ENTREP2: variants seen among roughly 807,000 people sequenced by gnomAD.
The protein encoded by ENTREP2 is endosomal transmembrane epsin interactor 2.
chr15:29,125,808 C>T, the ENTREP2 span, among the ~76,000 whole-genome samples: 3 of 152,198 alleles, frequency 2.0e-5, no homozygotes, highest in Admixed American at 1.3e-4. Flanking sequence ...CAGACACAGT[C>T]GCATGGGGCG....
the ENTREP2 span, among the ~76,000 whole-genome samples, chr15:29,166,391 G>T: frequency 9.2e-3 from 1,395 of 152,258 alleles, 20 homozygotes; most frequent in African/African-American, 0.031. Flanking sequence ...GTCACTGTTT[G>T]CTGACGATAT....
the ENTREP2 span, among the ~76,000 whole-genome samples, chr15:29,217,914 C>T: frequency 6.6e-6 from 1 of 152,098 alleles, no homozygotes; most frequent in South Asian, 2.1e-4. Context: ...GGCTGTTGTT[C>T]AGATTCTTTT....
the ENTREP2 span, chr15:29,151,918 C>A: frequency 4.1e-6 from 4 of 974,966 alleles, no homozygotes; most frequent in South Asian, 2.8e-5. Flanking sequence ...CTGCCAGGGC[C>A]CAGAATGAGC....
the ENTREP2 span, among the ~76,000 whole-genome samples, chr15:29,587,138 CGTGTGTGTGTGTGT>C: frequency 0.014 from 1,676 of 124,032 alleles, 31 homozygotes; most frequent in African/African-American, 0.045. Flanking sequence ...TGTAGCTAAC[CGTGTGTGTGTGTGT>C]GTGTGTGTGT....
At chr15:29,295,197 C>T in the ENTREP2 span, among the ~76,000 whole-genome samples, 1 of 152,242 alleles carries the variant, frequency 6.6e-6, no homozygotes, top group African/African-American at 2.4e-5. Flanking sequence ...CTGAAAACCC[C>T]TGCCTGTGCT....
the ENTREP2 span, among the ~76,000 whole-genome samples, chr15:29,472,525 C>T: frequency 3.3e-5 from 5 of 151,884 alleles, no homozygotes; most frequent in African/African-American, 7.2e-5. Flanking sequence ...AGTGCAATGG[C>T]GCAATCTCGG....
the ENTREP2 span, among the ~76,000 whole-genome samples, chr15:29,505,248 G>C: frequency 2.0e-5 from 3 of 152,246 alleles, no homozygotes; most frequent in African/African-American, 4.8e-5. This position sits in a 1 kb window ranked among gnomAD's most constrained non-coding sequence, Gnocchi z 4.3. Context: ...AAAAACAGCA[G>C]CACCCGTCAG....
the ENTREP2 span, among the ~76,000 whole-genome samples, chr15:29,632,036 C>T: frequency 6.6e-6 from 1 of 152,344 alleles, no homozygotes; most frequent in Non-Finnish European, 1.5e-5. Flanking sequence ...GTCCTGTGGG[C>T]TGCCCATTTC....
the ENTREP2 span, among the ~76,000 whole-genome samples, chr15:29,467,845 G>C: frequency 2.0e-4 from 31 of 152,234 alleles, no homozygotes; most frequent in Admixed American, 3.3e-4. Flanking sequence ...CTGCTCCCCT[G>C]TGCCTAACTT....
chr15:29,184,824 C>G, the ENTREP2 span, among the ~76,000 whole-genome samples: 1 of 152,124 alleles, frequency 6.6e-6, no homozygotes, highest in African/African-American at 2.4e-5. Flanking sequence ...GGACATGGAG[C>G]CTACCTGGAG....
chr15:29,555,887 C>T, the ENTREP2 span, among the ~76,000 whole-genome samples: 1 of 152,190 alleles, frequency 6.6e-6, no homozygotes, highest in Non-Finnish European at 1.5e-5. Flanking sequence ...CCACCTGTGC[C>T]CACACCCCTG....
the ENTREP2 span, among the ~76,000 whole-genome samples, chr15:29,326,069 A>T: frequency 6.6e-6 from 1 of 152,154 alleles, no homozygotes; most frequent in African/African-American, 2.4e-5. Context: ...ACAAACTAAG[A>T]ACAAAGATGA....
the ENTREP2 span, among the ~76,000 whole-genome samples, chr15:29,180,716 A>G: frequency 2.0e-5 from 3 of 152,012 alleles, no homozygotes; most frequent in East Asian, 5.8e-4. Flanking sequence ...AAAGTAACGG[A>G]AAAACCCTCC....
At chr15:29,454,555 G>A in the ENTREP2 span, among the ~76,000 whole-genome samples, 201 of 152,206 alleles carry the variant, frequency 1.3e-3, no homozygotes, top group Middle Eastern at 0.01. Flanking sequence ...TTGATTGAAC[G>A]TGCAGGATAA....
chr15:29,225,071 A>G, the ENTREP2 span, among the ~76,000 whole-genome samples: 356 of 152,322 alleles, frequency 2.3e-3, 1 homozygote, highest in African/African-American at 8.2e-3. Flanking sequence ...ATGCCCACCC[A>G]GAACTCACGC....
the ENTREP2 span, among the ~76,000 whole-genome samples, chr15:29,579,686 A>ATTTTTTTTTTTT: frequency 1.6e-4 from 9 of 55,822 alleles, no homozygotes; most frequent in African/African-American, 7.3e-4. Context: ...CACCCAGCTA[A>ATTTTTTTTTTTT]TTTTTTTTTT....
chr15:29,311,779 C>CT, the ENTREP2 span, among the ~76,000 whole-genome samples: 1 of 152,166 alleles, frequency 6.6e-6, no homozygotes, highest in African/African-American at 2.4e-5. Flanking sequence ...ATTGTAGGCA[C>CT]TGGGATTATG....
the ENTREP2 span, among the ~76,000 whole-genome samples, chr15:29,568,257 G>A: frequency 6.6e-6 from 1 of 152,214 alleles, no homozygotes; most frequent in Non-Finnish European, 1.5e-5. Flanking sequence ...GGGAGATGGA[G>A]GACTCAGGAC....
the ENTREP2 span, among the ~76,000 whole-genome samples, chr15:29,207,508 T>C: frequency 6.6e-6 from 1 of 152,126 alleles, no homozygotes; most frequent in South Asian, 2.1e-4. Flanking sequence ...ATGTTCTGTT[T>C]CTGTCCTATC....
Sources: allele counts gnomAD v4.1 joint callset (sites outside exome capture counted in the v4.1 genomes callset), GRCh38; gene constraint gnomAD v4.1.1; non-coding constraint Gnocchi (gnomAD v3.1); transcripts MANE v1.5; gene names NCBI Gene and HGNC (gene_info 2026-07-23, HGNC 2026-07-21).